Variants in GRIN2D observed in about 807,000 individuals in gnomAD.
The protein encoded by GRIN2D is glutamate ionotropic receptor NMDA type subunit 2D, also known as glutamate receptor ionotropic, NMDA 2D.
A neutral mutation model predicts 103.2 loss-of-function variants in GRIN2D; 37 were observed. The ratio of observed to expected loss-of-function variants is 0.36; its 90% CI spans 0.28 to 0.47. The LOEUF (loss-of-function observed/expected upper bound fraction) is 0.47, where lower values mean the gene tolerates loss of function less well. Ranked by LOEUF, GRIN2D falls within the 20% of genes least tolerant of loss-of-function variation. The probability of loss-of-function intolerance (pLI) is 1.00; values close to 1 mark genes in which losing one functional copy is unlikely to be tolerated. For missense variants in GRIN2D, 1,557 were observed against 1,910.6 expected (o/e 0.81, Z 3.45); for synonymous variants, 845 against 885.6 (o/e 0.95, Z 0.81).
intron 4 of GRIN2D, among the ~76,000 whole-genome samples, chr19:48,406,942 G>A (rs1355645202): frequency 6.6e-6 from 1 of 151,774 alleles, no homozygotes; most frequent in Non-Finnish European, 1.5e-5. Context: ...AGCTCTTTCT[G>A]GTTCTTTCTT....
intron 11 of GRIN2D, among the ~76,000 whole-genome samples, chr19:48,422,538 G>A (rs1971037254): frequency 2.0e-5 from 3 of 151,766 alleles, no homozygotes. Context: ...TTGAACCTGG[G>A]AGTCGGAGGT....
At chr19:48,402,115 GGAAAGAAAGAAAGAAA>G (rs201781099) in intron 3 of GRIN2D, among the ~76,000 whole-genome samples, 102 of 88,060 alleles carry the variant, frequency 1.2e-3, no homozygotes, top group Admixed American at 6.4e-3. Flanking sequence ...AGAAAGAGAA[GGAAAGAAAGAAAGAAA>G]GAAAGAAAGA....
chr19:48,438,549 C>T (rs987873949), intron 11 of GRIN2D, among the ~76,000 whole-genome samples: 4 of 151,960 alleles, frequency 2.6e-5, no homozygotes, highest in Admixed American at 6.6e-5. Context: ...CCGCCTGCCT[C>T]GGCCTCCCAA....
At chr19:48,426,224 C>CTTTTTTTTTT (rs369360320) in intron 11 of GRIN2D, among the ~76,000 whole-genome samples, 17 of 120,114 alleles carry the variant, frequency 1.4e-4, no homozygotes, top group African/African-American at 4.3e-4. Context: ...TTCTTTCTTT[C>CTTTTTTTTTT]TTTTTTTTTT....
At chr19:48,408,839 G>A (rs11083933) in intron 4 of GRIN2D, among the ~76,000 whole-genome samples, 36,038 of 150,508 alleles carry the variant, frequency 0.24, 4,805 homozygotes, top group East Asian at 0.51. Flanking sequence ...AAAAAAGAGA[G>A]AAAGAAAGAA....
chr19:48,431,179 G>C (rs773114557), intron 11 of GRIN2D, among the ~76,000 whole-genome samples: 2 of 152,156 alleles, frequency 1.3e-5, no homozygotes, highest in African/African-American at 2.4e-5. Context: ...TCCAGCCTGG[G>C]CATAGCCGCC....
At chr19:48,406,984 T>C (rs1404134970) in intron 4 of GRIN2D, among the ~76,000 whole-genome samples, 1 of 132,740 alleles carries the variant, frequency 7.5e-6, no homozygotes, top group Non-Finnish European at 1.6e-5. Context: ...TTTTCCTTTT[T>C]CTTTTTTTTT....
In GRIN2D at chr19:48,412,646, G is replaced by A. The variant is rs567367781; in HGVS notation, c.1086-1345G>A. On this transcript the variant is annotated intron_variant, in intron 4 of 13. Coordinates refer to ENST00000263269, the MANE Select transcript of GRIN2D (RefSeq NM_000836.4). ...CTACTAAAAATACAAAAAATTAGCC[G>A]GGCATGGTCGTGGGCGCCTGTAATC... Among the ~76,000 whole-genome samples, 6 of 151,454 alleles carry A rather than the reference G, an allele frequency of 4.0e-5. No homozygotes were observed. The South Asian group carries it at 6.2e-4, about 16-fold the overall frequency.
rs756854635 is a variant in GRIN2D at position 48,414,408 on chromosome 19, G to C, written c.1236G>C (p.Lys412Asn). ...GGGAGCAGCAGACGCTCCGCCTCAA[G>C]TACCCGCTGTGGTCCCGCTATGGTC... ...GSWEQQTLRL[K>N]YPLWSRYGRF... The change falls in exon 6 of 14, where the codon AAG becomes AAC. Residue 412 changes from lysine to asparagine, a missense_variant. Around this residue, in one of 7 missense-constraint regions of GRIN2D, gnomAD observed 490 missense variants for 601.1 expected, o/e 0.82. Transcript: ENST00000263269. The surrounding 1 kb of genome is among the most constrained non-coding windows in gnomAD (Gnocchi z 4.6). 2 of 1,610,008 alleles carry C rather than the reference G, an allele frequency of 1.2e-6. No homozygotes were observed. Among genetic ancestry groups the C allele is most frequent in the Non-Finnish European group, 1.7e-6 (2 of 1,178,594 alleles).
chr19:48,406,651 A>G (rs1970795217), intron 4 of GRIN2D, among the ~76,000 whole-genome samples: 1 of 152,234 alleles, frequency 6.6e-6, no homozygotes, highest in Admixed American at 6.5e-5. Flanking sequence ...ACATAGATGA[A>G]TAAGACCATG....
chr19:48,432,492 G>A (rs555947924), intron 11 of GRIN2D, among the ~76,000 whole-genome samples: 1 of 151,852 alleles, frequency 6.6e-6, no homozygotes, highest in East Asian at 1.9e-4. Context: ...ATTTATTTAT[G>A]TTTAGAGACA....
intron 2 of GRIN2D, among the ~76,000 whole-genome samples, chr19:48,396,221 C>G (rs1028683448): frequency 3.3e-5 from 5 of 151,954 alleles, no homozygotes; most frequent in Non-Finnish European, 2.9e-5. Context: ...TCTGTGATCC[C>G]TGAGGGCGTG....
intron 10 of GRIN2D, 23 bp downstream of exon 10, chr19:48,419,837 G>T (rs1446058680): frequency 3.9e-6 from 6 of 1,553,576 alleles, no homozygotes; most frequent in Non-Finnish European, 5.3e-6. Flanking sequence ...CCAGGGCTGG[G>T]CTGGAGCTGG....
chr19:48,443,770 G>T lies in GRIN2D; in HGVS notation c.3844G>T (p.Ala1282Ser). The T allele has an allele frequency of 3.5e-6, 5 of 1,433,992 alleles. No individual in the cohort carries two copies. Among genetic ancestry groups the T allele is most frequent in the Non-Finnish European group, 4.5e-6 (5 of 1,100,466 alleles). The allele number at this position is 1,433,992 out of a possible 1,614,324, so 88.8% of individuals were successfully genotyped here. A position where few individuals can be genotyped will look rare whatever the true frequency, so the allele number is the denominator to read the frequency against. Residue 1282 changes from alanine (A) to serine (S), a missense_variant, in exon 14 of 14, where the codon GCC becomes TCC. By Grantham distance (99) the Ala-to-Ser change is moderately conservative (BLOSUM62 1). This residue lies in a region of GRIN2D where 11 missense variants were observed against 29.1 expected (regional missense o/e 0.38). Coordinates refer to ENST00000263269, the MANE Select transcript of GRIN2D (RefSeq NM_000836.4). The surrounding 1 kb of genome is among the most constrained non-coding windows in gnomAD (Gnocchi z 8.9). ...GGACCTCAGCTCGTGCCCTCGCGCC[G>T]CCCCTGCGCGCAGGCTTACCGGGCC... The part of the protein sequence containing the change: ...LEDLSSCPRA[A>S]PARRLTGPSR...
chr19:48,402,702 C>T (rs1699931), intron 3 of GRIN2D, among the ~76,000 whole-genome samples: 10 of 113,074 alleles, frequency 8.8e-5, no homozygotes, highest in African/African-American at 2.1e-4. Context: ...CCGGCCTGGG[C>T]GACAGAGCAA....
At position 48,394,226 on chromosome 19, in the gene GRIN2D, G is replaced by A. The variant is rs1264451151; in HGVS notation, c.-306+358G>A. 6.6e-6 allele frequency among the ~76,000 whole-genome samples: 1 copy of A among 152,020 alleles called. No homozygotes were observed. The highest frequency in any genetic ancestry group is 1.5e-5 in the Non-Finnish European group (1 of 67,988). On this transcript the variant is annotated intron_variant, in intron 1 of 13. Coordinates refer to ENST00000263269, the MANE Select transcript of GRIN2D (RefSeq NM_000836.4). This position sits in a 1 kb window ranked among gnomAD's most constrained non-coding sequence, Gnocchi z 5.1. ...GTGTGTCCCTCCTCAAGCTCTGGGG[G>A]TGTTGAGGGGGAATCCCAGGGAAGT...
rs1971301094 is a variant in GRIN2D at position 48,442,040 on chromosome 19, G to A, written c.2440+84G>A. On this transcript the variant is annotated intron_variant, in intron 12 of 13. Coordinates refer to ENST00000263269, the MANE Select transcript of GRIN2D (RefSeq NM_000836.4). The surrounding 1 kb of genome is among the most constrained non-coding windows in gnomAD (Gnocchi z 7.2). ...CCGGGGAAGAAAGGGACAAAGACCC[G>A]GACACCAGGGTCTGAGGGAGGAAGG... The A allele has an allele frequency of 2.0e-6, 3 of 1,497,396 alleles. No homozygotes were observed. The highest frequency in any genetic ancestry group is 2.3e-5 in the East Asian group (1 of 44,136). 92.8% of individuals were successfully genotyped at this position (1,497,396 alleles called of 1,614,324 possible). A position where few individuals can be genotyped will look rare whatever the true frequency, so the allele number is the denominator to read the frequency against.
At chr19:48,399,858 A>C (rs1343895102) in intron 3 of GRIN2D, among the ~76,000 whole-genome samples, 1 of 14,862 alleles carries the variant, frequency 6.7e-5, no homozygotes, top group Non-Finnish European at 1.3e-4. Context: ...GAGTCAGAAA[A>C]GGGGGCGGGG....
At chr19:48,426,241 T>TTTTTTC (rs1569068431) in intron 11 of GRIN2D, among the ~76,000 whole-genome samples, 60 of 148,150 alleles carry the variant, frequency 4.0e-4, no homozygotes, top group African/African-American at 1.5e-3. Context: ...TTTTTTTTTT[T>TTTTTTC]CTGAAACAGA....
Sources: gnomAD v4.1 joint callset for allele counts (sites outside exome capture counted in the v4.1 genomes callset) on GRCh38, gnomAD v4.1.1 for gene constraint, gnomAD v4.1.1 regional missense constraint, Gnocchi (gnomAD v3.1) non-coding constraint, MANE v1.5 for transcripts, NCBI Gene and HGNC (gene_info 2026-07-23, HGNC 2026-07-21) for gene names.